The following SLC20A2 variants were observed in gnomAD, a reference collection of about 807,000 sequenced individuals.
SLC20A2 encodes the protein sodium-dependent phosphate transporter 2.
Under a neutral mutation model 61.0 loss-of-function variants are expected in SLC20A2, and 30 were observed. The ratio of observed to expected loss-of-function variants is 0.49; its 90% confidence interval spans 0.37 to 0.67. SLC20A2 has a LOEUF of 0.67. SLC20A2 is among the 30% of genes least tolerant of loss of function. The pLI is 0.00. For missense variants in SLC20A2, 626 were observed against 866.4 expected, an observed-to-expected ratio of 0.72 and a Z score of 3.48; for synonymous variants, 351 against 353.3, an observed-to-expected ratio of 0.99 and a Z score of 0.07.
At chr8:42,534,509 T>C (rs754234058) in intron 1 of SLC20A2, among the ~76,000 whole-genome samples, 2 of 151,940 alleles carry the variant, frequency 1.3e-5, no homozygotes, top group Non-Finnish European at 2.9e-5. Flanking sequence ...CAAGAACATA[T>C]GAATAGTAAA....
At chr8:42,428,730 G>A (rs1197924075) in intron 10 of SLC20A2, 28 bp downstream of exon 10, 13 of 1,598,858 alleles carry the variant, frequency 8.1e-6, no homozygotes, top group South Asian at 1.1e-5. Flanking sequence ...GCGGCCTGGG[G>A]AAGGGCTCCC....
chr8:42,497,617 A>G (rs1015540615), intron 1 of SLC20A2, among the ~76,000 whole-genome samples: 1 of 152,048 alleles, frequency 6.6e-6, no homozygotes, highest in African/African-American at 2.4e-5. Context: ...TTGAAGAACA[A>G]TTCAAGAGTC....
chr8:42,520,096 C>T (rs1228735000), intron 1 of SLC20A2, among the ~76,000 whole-genome samples: 1 of 146,980 alleles, frequency 6.8e-6, no homozygotes, highest in Non-Finnish European at 1.5e-5. Flanking sequence ...TCACTACAAC[C>T]TCCATCTCCC....
At position 42,494,256 on chromosome 8, in the gene SLC20A2, G is replaced by C. The variant is rs112416091; in HGVS notation, c.-265+6775C>G. On this transcript the variant is annotated intron_variant, in intron 1 of 10. Transcript: ENST00000520262. ...CAAAATAACCATAATTAACATATTG[G>C]TGTACTAGCTTTATCAGTTGGACTA... 3.4e-3 allele frequency among the ~76,000 whole-genome samples: 520 copies of C among 152,286 alleles called. 4 individuals carry two copies. Among genetic ancestry groups the C allele is most frequent in the African/African-American group, 0.012 (499 of 41,574 alleles).
chr8:42,473,349 C>A (rs1175531038), intron 1 of SLC20A2, among the ~76,000 whole-genome samples: 1 of 138,524 alleles, frequency 7.2e-6, no homozygotes, highest in Non-Finnish European at 1.5e-5. Context: ...CAGGCCTCCT[C>A]GCAGCTCACT....
chr8:42,474,897 C>T (rs1807936025), intron 1 of SLC20A2, among the ~76,000 whole-genome samples: 1 of 140,868 alleles, frequency 7.1e-6, no homozygotes, highest in African/African-American at 2.7e-5. Context: ...CCTGAGACCT[C>T]AGACGGCCAG....
At chr8:42,443,264 G>GTTATATATAT (rs1187147221) in intron 6 of SLC20A2, among the ~76,000 whole-genome samples, 3 of 105,480 alleles carry the variant, frequency 2.8e-5, no homozygotes, top group Non-Finnish European at 3.8e-5. Flanking sequence ...ATTATTATAG[G>GTTATATATAT]ATATATATAT....
chr8:42,428,947 G>T, intron 9 of SLC20A2, 105 bp from the exon 10 acceptor site: 1 of 828,452 alleles, frequency 1.2e-6, no homozygotes, highest in Non-Finnish European at 1.8e-6. Flanking sequence ...GGTGACTGCC[G>T]ACTGCTGACT....
chr8:42,504,793 C>A (rs1810539793), upstream of SLC20A2, among the ~76,000 whole-genome samples: 1 of 126,936 alleles, frequency 7.9e-6, no homozygotes, highest in South Asian at 2.6e-4. Flanking sequence ...CTGCAGTGAG[C>A]CAAGATCATG....
In SLC20A2 at chr8:42,430,080, G is replaced by A. The variant is rs778221059; in HGVS notation, c.1693C>T (p.Pro565Ser). The A allele has an allele frequency of 6.2e-7, 1 of 1,611,706 alleles. No homozygotes were observed. Among genetic ancestry groups the A allele is most frequent in the Non-Finnish European group, 8.5e-7 (1 of 1,179,280 alleles). Residue 565 changes from proline to serine, a missense_variant, in exon 9 of 11, where the codon CCC (proline) becomes TCC (serine). Around this residue, in one of 3 missense-constraint regions of SLC20A2, gnomAD observed 138 missense variants for 228.7 expected, o/e 0.60. Transcript: ENST00000520262. ...CAGGCTTACCTGGACGGCGTGATGGGAGTGAGGTCCTTCCCCATGGTCTGG... is the reference window on the plus strand; with the variant it reads ...CAGGCTTACCTGGACGGCGTGATGGAAGTGAGGTCCTTCCCCATGGTCTGG... ...VIQTMGKDLT[P>S]ITPSSGFTIE...
At chr8:42,523,279 G>A (rs1302734653) in intron 1 of SLC20A2, among the ~76,000 whole-genome samples, 3 of 152,090 alleles carry the variant, frequency 2.0e-5, no homozygotes, top group Non-Finnish European at 4.4e-5. Flanking sequence ...GCGGTGAGCC[G>A]AGATTGTGCC....
At position 42,472,270 on chromosome 8, in the gene SLC20A2, C is replaced by A; in HGVS notation, c.121G>T (p.Val41Leu). Residue 41 changes from valine (V) to leucine (L), a missense_variant, in exon 2 of 11, where the codon GTG (valine) becomes TTG (leucine). Physicochemically the swap from Val to Leu is conservative, Grantham distance 32. Coordinates refer to ENST00000520262, the MANE Select transcript of SLC20A2 (RefSeq NM_001257180.2). The surrounding 1 kb of genome is among the most constrained non-coding windows in gnomAD (Gnocchi z 4.1). Reference protein sequence around the residue: ...NSFGTAVGSGVVTLRQACILA... With the variant: ...NSFGTAVGSGLVTLRQACILA... The stretch of plus-strand genomic sequence containing the variant: ...ATGCATGCCTGCCTCAAGGTCACCA[C>A]ACCAGAGCCCACGGCTGTACCAAAG... 1 of 1,614,206 alleles carries A rather than the reference C, an allele frequency of 6.2e-7. No homozygotes were observed. The highest frequency in any genetic ancestry group is 8.5e-7 in the Non-Finnish European group (1 of 1,180,034).
At chr8:42,489,199 A>C (rs1809310832) in intron 1 of SLC20A2, among the ~76,000 whole-genome samples, 1 of 152,058 alleles carries the variant, frequency 6.6e-6, no homozygotes. Context: ...TCGGCCTCCC[A>C]AAGTGCTGGG....
At chr8:42,541,649 G>A (rs1458217696) in intron 1 of SLC20A2, 7 of 149,992 alleles carry the variant, frequency 4.7e-5, no homozygotes, top group Non-Finnish European at 8.9e-5. Flanking sequence ...CGACTCCGGG[G>A]TAAAGAGCCC....
At chr8:42,518,533 T>G (rs983096694) in intron 1 of SLC20A2, among the ~76,000 whole-genome samples, 3 of 152,222 alleles carry the variant, frequency 2.0e-5, no homozygotes, top group Non-Finnish European at 2.9e-5. Context: ...TATACATGCT[T>G]TGGAGTACAG....
At chr8:42,425,406 G>A (rs925252896) in intron 10 of SLC20A2, among the ~76,000 whole-genome samples, 2 of 152,186 alleles carry the variant, frequency 1.3e-5, no homozygotes, top group Admixed American at 6.5e-5. Flanking sequence ...GGGGACTGTT[G>A]TGTGCAGGGG....
intron 1 of SLC20A2, among the ~76,000 whole-genome samples, chr8:42,539,602 T>C (rs1210408734): frequency 6.6e-6 from 1 of 152,158 alleles, no homozygotes; most frequent in East Asian, 1.9e-4. Context: ...AACAAAGTAA[T>C]AGCCAGTCCA....
intron 1 of SLC20A2, among the ~76,000 whole-genome samples, chr8:42,495,156 C>T (rs758801579): frequency 3.9e-5 from 6 of 151,968 alleles, no homozygotes; most frequent in Non-Finnish European, 7.4e-5. Context: ...CGCCCGGCCA[C>T]GTCTCTTATT....
At position 42,439,607 on chromosome 8, in the gene SLC20A2, G is replaced by C. The variant is rs369833460; in HGVS notation, c.777C>G (p.Ser259Arg). 5.2e-5 allele frequency: 84 copies of C among 1,614,140 alleles called. No individual in the cohort carries two copies. The highest frequency in any genetic ancestry group is 6.5e-5 in the Non-Finnish European group (77 of 1,180,014). The stretch of plus-strand genomic sequence containing the variant: ...ACTCTGCTTCCTGAACCTTACTGAG[G>C]CTTTCGTCAGATACTCGTGATAAAG... ...EGALSRVSDESLSKVQEAESP... is the reference protein window; with the variant it reads ...EGALSRVSDERLSKVQEAESP... Residue 259 changes from serine (S) to arginine (R), a missense_variant, in exon 7 of 11, where the codon AGC (serine) becomes AGG (arginine). This residue lies in a region of SLC20A2 where 361 missense variants were observed against 422.3 expected (regional missense o/e 0.85). Coordinates refer to ENST00000520262, the MANE Select transcript of SLC20A2 (RefSeq NM_001257180.2).
Sources: allele counts gnomAD v4.1 joint callset (sites outside exome capture counted in the v4.1 genomes callset), GRCh38; gene constraint gnomAD v4.1.1; regional missense constraint gnomAD v4.1.1; non-coding constraint Gnocchi (gnomAD v3.1); transcripts MANE v1.5; gene names NCBI Gene and HGNC (gene_info 2026-07-23, HGNC 2026-07-21).